Variants in PRELID2 observed in about 807,000 individuals in gnomAD.
The protein encoded by PRELID2 is PRELI domain containing 2, also known as PRELI domain-containing protein 2.
A neutral mutation model predicts 28.4 loss-of-function variants in PRELID2; 25 were observed. The observed-to-expected ratio is 0.88, with a 90% confidence interval of 0.64 to 1.23. The LOEUF (loss-of-function observed/expected upper bound fraction) is 1.23. Among genes scored for constraint, PRELID2 ranks in the 50% most tolerant of loss-of-function variants. The probability of loss-of-function intolerance (pLI) is 0.00; values close to 1 mark genes in which losing one functional copy is unlikely to be tolerated. For synonymous variants in PRELID2, 76 were observed against 71.6 expected (o/e 1.06, Z -0.31); for missense variants, 201 against 214.4 (o/e 0.94, Z 0.39).
intron 1 of PRELID2, among the ~76,000 whole-genome samples, chr5:145,678,977 C>A (rs1204353892): frequency 2.0e-5 from 3 of 152,166 alleles, no homozygotes; most frequent in African/African-American, 7.2e-5. Flanking sequence ...CCTCGCTGAT[C>A]TCTCCACTTT....
intron 1 of PRELID2, among the ~76,000 whole-genome samples, chr5:145,649,937 A>G (rs1345860592): frequency 6.6e-6 from 1 of 152,134 alleles, no homozygotes; most frequent in Non-Finnish European, 1.5e-5. Context: ...TTTGGGTCAA[A>G]TCTTCTACGG....
At chr5:145,290,493 C>G in the PRELID2 span, among the ~76,000 whole-genome samples, 4 of 151,470 alleles carry the variant, frequency 2.6e-5, no homozygotes, top group Non-Finnish European at 5.9e-5. Flanking sequence ...AGCAAACTAT[C>G]GCAAGGACAG....
chr5:145,721,985 T>C (rs1756002859), intron 1 of PRELID2, among the ~76,000 whole-genome samples: 2 of 152,108 alleles, frequency 1.3e-5, no homozygotes, highest in African/African-American at 4.8e-5. Flanking sequence ...AGCAGAAATA[T>C]ACAGAAGCAC....
intron 1 of PRELID2, among the ~76,000 whole-genome samples, chr5:145,590,093 C>G (rs931676024): frequency 6.6e-6 from 1 of 152,104 alleles, no homozygotes; most frequent in African/African-American, 2.4e-5. Flanking sequence ...CTTATCTTTC[C>G]AACTTTACCT....
chr5:145,725,484 A>G (rs1756121028), intron 1 of PRELID2, among the ~76,000 whole-genome samples: 1 of 152,218 alleles, frequency 6.6e-6, no homozygotes, highest in East Asian at 1.9e-4. Flanking sequence ...AAAATAAAAA[A>G]GTCACTGGAT....
chr5:145,538,487 CA>C (rs1302240618), intron 1 of PRELID2, among the ~76,000 whole-genome samples: 1 of 151,884 alleles, frequency 6.6e-6, no homozygotes, highest in Non-Finnish European at 1.5e-5. Flanking sequence ...TTCAAGCACT[CA>C]ATGGCCACAT....
rs573246565 is a variant in PRELID2, at chr5:145,746,244, C to G, written n.70+18687G>C. Among the ~76,000 whole-genome samples the G allele has an allele frequency of 1.1e-4, 17 of 152,198 alleles. No homozygotes were observed. The East Asian group carries it at 2.1e-3, about 19-fold the overall frequency. ...GCAAATTAGATAAAGAGTCAAGACCCGTCGGCGTGCTGTATTCAGGAGACC... is the reference window on the plus strand; with the variant it reads ...GCAAATTAGATAAAGAGTCAAGACCGGTCGGCGTGCTGTATTCAGGAGACC... On this transcript the variant is annotated intron_variant and non_coding_transcript_variant, in intron 1 of 2. Transcript: ENST00000510259.
chr5:145,705,939 T>TAC (rs61283424), intron 1 of PRELID2, among the ~76,000 whole-genome samples: 11,668 of 145,422 alleles, frequency 0.08, 483 homozygotes, highest in East Asian at 0.17. Flanking sequence ...CATGTGCGCC[T>TAC]ACACACACAC....
the PRELID2 span, among the ~76,000 whole-genome samples, chr5:145,418,660 A>C: frequency 2.6e-5 from 4 of 152,318 alleles, no homozygotes; most frequent in Middle Eastern, 6.8e-3. Context: ...CTATGCAATA[A>C]ATGGTGCTGG....
At chr5:145,743,969 G>T (rs1340813585) in intron 1 of PRELID2, among the ~76,000 whole-genome samples, 1 of 152,204 alleles carries the variant, frequency 6.6e-6, no homozygotes, top group African/African-American at 2.4e-5. Context: ...ATAGCCCCAG[G>T]CCATGCTTTT....
rs114232626 is a variant in PRELID2 at position 145,608,356 on chromosome 5, G to C, written n.71-135041C>G. ...TAATGTCAGTGGTCTCCATACTCAA[G>C]TGTGTCTTTGTGATGGCTGGTAACA... is the stretch of plus-strand genomic sequence containing the variant. On this transcript the variant is annotated intron_variant and non_coding_transcript_variant, in intron 1 of 2. Coordinates refer to the PRELID2 transcript ENST00000510259. 5.9e-3 allele frequency among the ~76,000 whole-genome samples: 902 copies of C among 152,270 alleles called. 12 individuals are homozygous for C. The highest frequency in any genetic ancestry group is 0.02 in the African/African-American group (834 of 41,558).
chr5:145,790,243 C>G (rs923427266), intron 5 of PRELID2, among the ~76,000 whole-genome samples: 2 of 152,100 alleles, frequency 1.3e-5, no homozygotes, highest in African/African-American at 4.8e-5. Flanking sequence ...ATGGAATCAA[C>G]CTAAGTGTTC....
At chr5:145,792,921 T>G (rs947284513) in intron 5 of PRELID2, among the ~76,000 whole-genome samples, 4 of 152,180 alleles carry the variant, frequency 2.6e-5, no homozygotes, top group African/African-American at 9.7e-5. Flanking sequence ...ACAATTAAAC[T>G]GAGAATAGGG....
the PRELID2 span, among the ~76,000 whole-genome samples, chr5:145,390,734 G>A: frequency 3.9e-5 from 6 of 152,026 alleles, no homozygotes; most frequent in East Asian, 1.9e-4. Flanking sequence ...AGCATTAACC[G>A]AGAAGTCCAC....
chr5:145,777,868 C>T (rs941497232), intron 5 of PRELID2, among the ~76,000 whole-genome samples: 2 of 152,216 alleles, frequency 1.3e-5, no homozygotes, highest in Non-Finnish European at 2.9e-5. Context: ...AAGTGCCTGT[C>T]CCTGCTGCCT....
At chr5:145,515,557 C>A (rs893817661) in intron 1 of PRELID2, among the ~76,000 whole-genome samples, 1 of 152,096 alleles carries the variant, frequency 6.6e-6, no homozygotes, top group Non-Finnish European at 1.5e-5. Flanking sequence ...GGATTCTACC[C>A]GAGTTACAAA....
intron 1 of PRELID2, among the ~76,000 whole-genome samples, chr5:145,733,804 C>T (rs1756416718): frequency 6.6e-6 from 1 of 152,170 alleles, no homozygotes; most frequent in Non-Finnish European, 1.5e-5. Context: ...TGTCCATGCC[C>T]TAATCCTTGG....
the PRELID2 span, among the ~76,000 whole-genome samples, chr5:145,430,993 G>C: frequency 6.9e-6 from 1 of 145,022 alleles, no homozygotes; most frequent in South Asian, 2.2e-4. Flanking sequence ...CTGGGAATGA[G>C]GCCCTGGCAA....
At chr5:145,713,034 G>T (rs1447822467) in intron 1 of PRELID2, among the ~76,000 whole-genome samples, 1 of 151,708 alleles carries the variant, frequency 6.6e-6, no homozygotes, top group Admixed American at 6.6e-5. Flanking sequence ...GGGAAATAAA[G>T]AAGAGAAGAA....
Sources: allele counts gnomAD v4.1 joint callset (sites outside exome capture counted in the v4.1 genomes callset), GRCh38; gene constraint gnomAD v4.1.1; transcripts MANE v1.5; gene names NCBI Gene and HGNC (gene_info 2026-07-23, HGNC 2026-07-21).